UBE2F: variants seen among roughly 807,000 people sequenced by gnomAD.
UBE2F encodes the protein NEDD8-conjugating enzyme UBE2F.
A neutral mutation model predicts 29.6 loss-of-function variants in UBE2F; 5 were observed. That is an observed-to-expected ratio of 0.17 (90% CI 0.09 to 0.36). The LOEUF (loss-of-function observed/expected upper bound fraction) is 0.36, where lower values mean the gene tolerates loss of function less well. UBE2F is among the 10% of genes least tolerant of loss of function. The pLI, the probability that UBE2F is intolerant of heterozygous loss-of-function variation, is 1.00. For missense variants in UBE2F, 141 were observed against 228.5 expected (o/e 0.62, Z 2.47); for synonymous variants, 66 against 81.8 (o/e 0.81, Z 1.04).
At chr2:238,038,485 C>T (rs1210394715) in intron 9 of UBE2F, among the ~76,000 whole-genome samples, 4 of 152,200 alleles carry the variant, frequency 2.6e-5, no homozygotes, top group South Asian at 4.1e-4. Flanking sequence ...GCATTCATGG[C>T]GGCACTCCTG....
At position 237,972,466 on chromosome 2, in the gene UBE2F, G is replaced by A. The variant is rs371247867; in HGVS notation, c.-16-626G>A. Among the ~76,000 whole-genome samples the A allele has an allele frequency of 1.0e-3, 154 of 152,230 alleles. 1 individual carries two copies. Among genetic ancestry groups the A allele is most frequent in the African/African-American group, 3.7e-3 (153 of 41,538 alleles). ...GGCCACCCTAGACCTTGTGTTCCAC[G>A]GGAGCTTTGTCACAACCACATCCCA... On this transcript the variant is annotated intron_variant, in intron 1 of 9. Coordinates refer to ENST00000272930, the MANE Select transcript of UBE2F (RefSeq NM_080678.3).
chr2:237,990,479 T>G (rs1018170036), intron 3 of UBE2F: 5 of 436,300 alleles, frequency 1.1e-5, no homozygotes, highest in Non-Finnish European at 1.8e-5. Flanking sequence ...TGTGGCTCAC[T>G]GCAGTCTCAA....
intron 8 of UBE2F, chr2:238,032,799 G>A (rs4663278): frequency 0.83 from 127,763 of 153,094 alleles, 53,422 homozygotes; most frequent in East Asian, 0.97. Context: ...ATAGCCCACC[G>A]TGCAAACAGT....
intron 6 of UBE2F, 121 bp downstream of exon 6, chr2:238,025,533 G>T: frequency 2.2e-6 from 2 of 892,418 alleles, no homozygotes; most frequent in Non-Finnish European, 3.6e-6. Flanking sequence ...GGAAGGGCTT[G>T]AACTCAGCTG....
intron 3 of UBE2F, among the ~76,000 whole-genome samples, chr2:237,990,211 A>AAATAACTG (rs1376245153): frequency 1.3e-5 from 2 of 151,304 alleles, no homozygotes; most frequent in Non-Finnish European, 2.9e-5. Flanking sequence ...AACAATAAAC[A>AAATAACTG]AATAACTGTG....
At position 238,025,251 on chromosome 2, in the gene UBE2F, G is replaced by A. The variant is rs115604774; in HGVS notation, c.283-91G>A. 4.7e-3 allele frequency: 5,116 copies of A among 1,094,978 alleles called. 123 individuals carry two copies. In the African/African-American group the frequency reaches 0.063, roughly 13 times the overall value. The allele number at this position is 1,094,978 out of a possible 1,614,324, so 67.8% of individuals were successfully genotyped here. A position where few individuals can be genotyped will look rare whatever the true frequency, so the allele number is the denominator to read the frequency against. ...ACACTGAGTCAGCCATGAAACAAGC[G>A]TCTAGATAGGGGATGTGGTAAGGCT... On this transcript the variant is annotated intron_variant, in intron 5 of 9. Coordinates refer to ENST00000272930, the MANE Select transcript of UBE2F (RefSeq NM_080678.3).
rs1470215633 is a variant in UBE2F, at chr2:237,974,192, T to C, written c.118+967T>C. ...TTTTTTTTGAGATGGAATTTCGCTC[T>C]TGTTGTCCAGGCTAGAGTGCAGTGG... On this transcript the variant is annotated intron_variant, in intron 2 of 9. Transcript: ENST00000272930. Among the ~76,000 whole-genome samples the C allele has an allele frequency of 2.0e-5, 3 of 149,658 alleles. No homozygotes were observed. In the Admixed American group the frequency reaches 2.0e-4, roughly 10 times the overall value.
intron 5 of UBE2F, among the ~76,000 whole-genome samples, chr2:238,019,577 G>T (rs776872642): frequency 7.9e-5 from 12 of 151,128 alleles, no homozygotes; most frequent in Admixed American, 2.0e-4. Context: ...TGTTGGTCAG[G>T]CTGGTCTCAA....
intron 6 of UBE2F, among the ~76,000 whole-genome samples, chr2:238,030,301 C>T (rs1559227377): frequency 6.6e-6 from 1 of 152,110 alleles, no homozygotes; most frequent in African/African-American, 2.4e-5. Context: ...CATGCTCTTC[C>T]TCAGCCTAAA....
At chr2:238,002,719 C>T (rs2063822048) in intron 4 of UBE2F, among the ~76,000 whole-genome samples, 1 of 152,202 alleles carries the variant, frequency 6.6e-6, no homozygotes, top group African/African-American at 2.4e-5. Context: ...TCAAGCGATT[C>T]TCCTGTCTCA....
intron 4 of UBE2F, among the ~76,000 whole-genome samples, chr2:238,005,553 C>G (rs1202046819): frequency 6.6e-6 from 1 of 151,584 alleles, no homozygotes; most frequent in Admixed American, 6.6e-5. Context: ...GGTCTGTGAT[C>G]CAGTTTGAGT....
chr2:238,027,515 A>T (rs975011134), intron 6 of UBE2F, among the ~76,000 whole-genome samples: 11 of 152,200 alleles, frequency 7.2e-5, no homozygotes, highest in South Asian at 2.1e-4. Flanking sequence ...TGTGACAGAG[A>T]GCGAGCAGGC....
At position 237,967,414 on chromosome 2, in the gene UBE2F, C is replaced by G. The variant is rs1182871351; in HGVS notation, c.-17+282C>G. ...CAGTGAGTGACCGCGGCGGCGGCGGCGGGGGACGGCCCGCGCCGAGCACCT... is the reference window on the plus strand; with the variant it reads ...CAGTGAGTGACCGCGGCGGCGGCGGGGGGGGACGGCCCGCGCCGAGCACCT... On this transcript the variant is annotated intron_variant, in intron 1 of 9. Transcript: ENST00000272930. The surrounding 1 kb of genome is among the most constrained non-coding windows in gnomAD (Gnocchi z 6.3). Among the ~76,000 whole-genome samples the G allele has an allele frequency of 6.6e-6, 1 of 151,228 alleles. No individual in the cohort carries two copies. Among genetic ancestry groups the G allele is most frequent in the Non-Finnish European group, 1.5e-5 (1 of 67,692 alleles).
chr2:238,001,797 G>A (rs113306994), intron 4 of UBE2F, among the ~76,000 whole-genome samples: 63,424 of 151,678 alleles, frequency 0.42, 13,507 homozygotes, highest in East Asian at 0.7. Context: ...TCCAGCCTGG[G>A]CGACAGAGCA....
rs529454155 is a variant in UBE2F, at chr2:238,015,659, T to G, written c.215-907T>G. 1.4e-4 allele frequency among the ~76,000 whole-genome samples: 22 copies of G among 152,270 alleles called. No homozygotes were observed. In the South Asian group the frequency reaches 4.6e-3, roughly 32 times the overall value. The stretch of plus-strand genomic sequence containing the variant: ...TTATGCATTCATTTCATATAAAAAT[T>G]TGAGGAAAATGATAAGATTTAATAT... On this transcript the variant is annotated intron_variant, in intron 4 of 9. Transcript: ENST00000272930.
In UBE2F at chr2:237,982,179, C is replaced by A. The variant is rs1480633340; in HGVS notation, c.119-5784C>A. On this transcript the variant is annotated intron_variant, in intron 2 of 9. Coordinates refer to ENST00000272930, the MANE Select transcript of UBE2F (RefSeq NM_080678.3). The surrounding 1 kb of genome is among the most constrained non-coding windows in gnomAD (Gnocchi z 4.1). ...ACTCCCCGAGTGGCGAATGTGCAGC[C>A]AGGGCTTCCATTCCTTTCTTTATCA... Among the ~76,000 whole-genome samples, 4 of 152,212 alleles carry A rather than the reference C, an allele frequency of 2.6e-5. No homozygotes were observed. Among genetic ancestry groups the A allele is most frequent in the African/African-American group, 7.2e-5 (3 of 41,450 alleles).
At chr2:238,025,846 C>A (rs1371463225) in intron 6 of UBE2F, among the ~76,000 whole-genome samples, 1 of 152,170 alleles carries the variant, frequency 6.6e-6, no homozygotes, top group Non-Finnish European at 1.5e-5. Flanking sequence ...ATTTAAGCTG[C>A]CCTCTCTCTA....
chr2:237,995,515 CAA>C (rs1321679333), intron 4 of UBE2F, among the ~76,000 whole-genome samples: 1 of 148,948 alleles, frequency 6.7e-6, no homozygotes, highest in Non-Finnish European at 1.5e-5. Flanking sequence ...GGGGAATTAA[CAA>C]GAGGGAAGGA....
intron 4 of UBE2F, among the ~76,000 whole-genome samples, chr2:238,008,063 C>T (rs2063944303): frequency 6.6e-6 from 1 of 152,184 alleles, no homozygotes; most frequent in Non-Finnish European, 1.5e-5. Context: ...AAGCAGTCCT[C>T]CCGCCTCAGG....
Sources: allele counts gnomAD v4.1 joint callset (sites outside exome capture counted in the v4.1 genomes callset), GRCh38; gene constraint gnomAD v4.1.1; non-coding constraint Gnocchi (gnomAD v3.1); transcripts MANE v1.5; gene names NCBI Gene and HGNC (gene_info 2026-07-23, HGNC 2026-07-21).